Variants in CRYBB1 observed in about 807,000 individuals in gnomAD.
CRYBB1 encodes the protein beta-crystallin B1.
Under a neutral mutation model 29.5 loss-of-function variants are expected in CRYBB1, and 16 were observed. That is an observed-to-expected ratio of 0.54 (90% CI 0.37 to 0.82). The LOEUF is 0.82. Ranked by LOEUF, CRYBB1 falls within the 40% of genes least tolerant of loss-of-function variation. CRYBB1 has a pLI of 0.00. For synonymous variants in CRYBB1, 127 were observed against 136.7 expected (o/e 0.93, Z 0.49); for missense variants, 300 against 350.5 (o/e 0.86, Z 1.15).
chr22:26,616,212 G>T lies in CRYBB1; in HGVS notation c.108C>A (p.Gly36=). ...APPAGTSPSP[G]TTLAPTTVPI... is the part of the protein sequence containing the mutation. Reference sequence around the variant, plus strand: ...GCACGGTTGTTGGGGCCAGGGTAGTGCCGGGACTAGGGGATGTTCCTGCAG... The same window carrying T: ...GCACGGTTGTTGGGGCCAGGGTAGTTCCGGGACTAGGGGATGTTCCTGCAG... Residue 36 remains glycine, a synonymous_variant, in exon 2 of 6, where the codon GGC becomes GGA. Coordinates refer to ENST00000647684, the MANE Select transcript of CRYBB1 (RefSeq NM_001887.4). 2 of 1,614,142 alleles carry T rather than the reference G, an allele frequency of 1.2e-6. No homozygotes were observed. Among genetic ancestry groups the T allele is most frequent in the Non-Finnish European group, 1.7e-6 (2 of 1,179,978 alleles).
chr22:26,615,942 A>C (rs1425220824), intron 2 of CRYBB1, among the ~76,000 whole-genome samples, 198 bp downstream of exon 2: 1 of 152,132 alleles, frequency 6.6e-6, no homozygotes, highest in East Asian at 1.9e-4. Context: ...ATAGGGACAG[A>C]GGATAAGAGT....
At chr22:26,616,361 AG>A in intron 1 of CRYBB1, 23 bp from the exon 2 acceptor site, 1 of 1,554,702 alleles carries the variant, frequency 6.4e-7, no homozygotes, top group Non-Finnish European at 8.8e-7. Context: ...TCTGGCCTTC[AG>A]GGATGACACC....
intron 2 of CRYBB1, among the ~76,000 whole-genome samples, chr22:26,613,708 T>C (rs1322338229): frequency 6.6e-6 from 1 of 152,120 alleles, no homozygotes; most frequent in East Asian, 1.9e-4. Context: ...GTACAGCATG[T>C]GTGTTTGAGC....
rs147361174 is a variant in CRYBB1 at position 26,607,849 on chromosome 22, G to A, written c.432+40C>T. On this transcript the variant is annotated intron_variant, in intron 4 of 5. Transcript: ENST00000647684. ...CTCAGACTTACACCTGCCCTGCCCC[G>A]CCTGGCTGATTCTCCAGCCCCAGCC... 5.0e-4 allele frequency: 812 copies of A among 1,613,464 alleles called. 5 individuals carry two copies. The African/African-American group carries it at 7.5e-3, about 15-fold the overall frequency.
chr22:26,616,065 G>A (rs1929340881), intron 2 of CRYBB1, 75 bp downstream of exon 2: 1 of 1,142,964 alleles, frequency 8.7e-7, no homozygotes, highest in Admixed American at 1.7e-5. Context: ...AGGAAGAGGA[G>A]GAGGAGAAGA....
rs747960983 is a variant in CRYBB1 at position 26,616,191 on chromosome 22, G to A, written c.129C>T (p.Thr43=). ...CCGCCTTGGCGCTGGTAATAGGCACGGTTGTTGGGGCCAGGGTAGTGCCGG... is the reference window on the plus strand; with the variant it reads ...CCGCCTTGGCGCTGGTAATAGGCACAGTTGTTGGGGCCAGGGTAGTGCCGG... The part of the protein sequence containing the change: ...PSPGTTLAPT[T]VPITSAKAAE... Residue 43 remains threonine (T), a synonymous_variant, in exon 2 of 6, where the codon ACC becomes ACT. Coordinates refer to ENST00000647684, the MANE Select transcript of CRYBB1 (RefSeq NM_001887.4). 5 of 1,614,208 alleles carry A rather than the reference G, an allele frequency of 3.1e-6. No individual in the cohort carries two copies. Among genetic ancestry groups the A allele is most frequent in the Admixed American group, 1.7e-5 (1 of 60,032 alleles).
chr22:26,617,144 A>G (rs1929383052), intron 1 of CRYBB1, among the ~76,000 whole-genome samples: 2 of 152,166 alleles, frequency 1.3e-5, no homozygotes, highest in South Asian at 4.1e-4. Context: ...TATTTACTGC[A>G]TGTGGAGGGT....
At position 26,600,366 on chromosome 22, in the gene CRYBB1, T is replaced by C. The variant is rs1245998567; in HGVS notation, c.576-693A>G. 4.6e-5 allele frequency among the ~76,000 whole-genome samples: 7 copies of C among 151,830 alleles called. 1 individual carries two copies. The highest frequency in any genetic ancestry group is 2.1e-4 in the South Asian group (1 of 4,822). Reference sequence around the variant, plus strand: ...GCAGTGAGCTGAGATTGCACCACTGTACTCCAGCCTGAGGGACAGAGCGAG... The same window carrying C: ...GCAGTGAGCTGAGATTGCACCACTGCACTCCAGCCTGAGGGACAGAGCGAG... On this transcript the variant is annotated intron_variant, in intron 5 of 5. Coordinates refer to ENST00000647684, the MANE Select transcript of CRYBB1 (RefSeq NM_001887.4).
chr22:26,609,617 AGAATGGATGTAT>A (rs1480792167), intron 3 of CRYBB1, among the ~76,000 whole-genome samples: 1 of 152,130 alleles, frequency 6.6e-6, no homozygotes, highest in Non-Finnish European at 1.5e-5. Context: ...GTATAAATGG[AGAATGGATGTAT>A]GTATGGATAG....
chr22:26,599,715 T>G, intron 5 of CRYBB1, 42 bp from the exon 6 acceptor site: 1 of 1,540,872 alleles, frequency 6.5e-7, no homozygotes, highest in Non-Finnish European at 9.0e-7. Flanking sequence ...ACAGCCTGTC[T>G]CGTTGCCTGG....
At chr22:26,602,080 C>T in intron 4 of CRYBB1, 59 bp from the exon 5 acceptor site, 1 of 1,601,276 alleles carries the variant, frequency 6.2e-7, no homozygotes, top group Admixed American at 1.7e-5. Context: ...AGAGAAGAAA[C>T]TTAGCGGGGC....
intron 3 of CRYBB1, among the ~76,000 whole-genome samples, chr22:26,609,568 G>A (rs1295624736): frequency 6.6e-6 from 1 of 152,158 alleles, no homozygotes; most frequent in African/African-American, 2.4e-5. Context: ...ATTTATAGAT[G>A]GATGGGTGGG....
At chr22:26,611,946 C>G in intron 3 of CRYBB1, 126 bp downstream of exon 3, 1 of 760,606 alleles carries the variant, frequency 1.3e-6, no homozygotes, top group South Asian at 1.4e-5. Flanking sequence ...GAGGATTGGA[C>G]ATAATGTATG....
chr22:26,602,502 G>T (rs754532259), intron 4 of CRYBB1, among the ~76,000 whole-genome samples: 11 of 151,374 alleles, frequency 7.3e-5, no homozygotes, highest in Non-Finnish European at 1.5e-4. Context: ...GAGGCAGGAG[G>T]ATTGCTTGAG....
intron 3 of CRYBB1, among the ~76,000 whole-genome samples, chr22:26,611,871 C>T (rs990591384): frequency 3.3e-5 from 5 of 152,216 alleles, no homozygotes; most frequent in Admixed American, 1.3e-4. Flanking sequence ...ATCACCTCTC[C>T]GAGCCTCAGT....
intron 4 of CRYBB1, among the ~76,000 whole-genome samples, chr22:26,606,862 T>C (rs1928990640): frequency 6.6e-6 from 1 of 152,160 alleles, no homozygotes; most frequent in Non-Finnish European, 1.5e-5. Context: ...CATCATCAAC[T>C]TAATTCTGGA....
chr22:26,608,577 G>A (rs183847087), intron 3 of CRYBB1, among the ~76,000 whole-genome samples: 76 of 152,284 alleles, frequency 5.0e-4, no homozygotes, highest in African/African-American at 1.8e-3. Flanking sequence ...ATTTTGTATG[G>A]ATACCTTTTA....
intron 2 of CRYBB1, 64 bp from the exon 3 acceptor site, chr22:26,612,254 T>G (rs74488904): frequency 9.2e-7 from 1 of 1,091,628 alleles, no homozygotes; most frequent in African/African-American, 1.5e-5. Context: ...TCATTAAGTA[T>G]CTACATAAAT....
At position 26,599,382 on chromosome 22, in the gene CRYBB1, A is replaced by G. The variant is rs1602318930; in HGVS notation, c.*108T>C. 9.1e-7 allele frequency: 1 copy of G among 1,097,578 alleles called. No individual in the cohort carries two copies. Among genetic ancestry groups the G allele is most frequent in the Non-Finnish European group, 1.4e-6 (1 of 740,156 alleles). The allele number at this position is 1,097,578 out of a possible 1,614,324, so 68.0% of individuals were successfully genotyped here. On this transcript the variant is annotated 3_prime_UTR_variant, in exon 6 of 6. Transcript: ENST00000647684. The stretch of plus-strand genomic sequence containing the variant: ...CCTCAAGGCACACATCTGTTTACAG[A>G]TCCAGGAGAAATTTTGGCTTTAGGG...
Sources: gnomAD v4.1 joint callset for allele counts (sites outside exome capture counted in the v4.1 genomes callset) on GRCh38, gnomAD v4.1.1 for gene constraint, MANE v1.5 for transcripts, NCBI Gene and HGNC (gene_info 2026-07-23, HGNC 2026-07-21) for gene names.